Variants in ASCC3 observed in about 807,000 individuals in gnomAD.
ASCC3 encodes ASC-1 complex subunit P200.
Under a neutral mutation model 256.3 loss-of-function variants are expected in ASCC3, and 158 were observed. That is an observed-to-expected ratio of 0.62 (90% CI 0.54 to 0.70). The LOEUF (loss-of-function observed/expected upper bound fraction) is 0.70. ASCC3 is among the 30% of genes least tolerant of loss of function. The pLI is 0.00. For synonymous variants in ASCC3, 948 were observed against 883.4 expected (o/e 1.07, Z -1.30); for missense variants, 2,259 against 2,626.0 (o/e 0.86, Z 3.05).
At chr6:100,733,674 C>G (rs1168312999) in intron 10 of ASCC3, among the ~76,000 whole-genome samples, 2 of 152,160 alleles carry the variant, frequency 1.3e-5, no homozygotes, top group African/African-American at 2.4e-5. Context: ...ACAATACTTT[C>G]AGAATAAATG....
chr6:100,740,757 T>C (rs988653364), intron 10 of ASCC3, among the ~76,000 whole-genome samples: 5 of 152,330 alleles, frequency 3.3e-5, no homozygotes, highest in Admixed American at 1.3e-4. Flanking sequence ...TGTGTTCCAT[T>C]TGCTCCACTC....
At chr6:100,788,087 G>A (rs1340954257) in intron 8 of ASCC3, among the ~76,000 whole-genome samples, 1 of 151,860 alleles carries the variant, frequency 6.6e-6, no homozygotes, top group East Asian at 1.9e-4. Context: ...AAAACGGACT[G>A]TATTCAGACT....
At chr6:100,819,164 G>C (rs547896504) in intron 4 of ASCC3, among the ~76,000 whole-genome samples, 1 of 151,976 alleles carries the variant, frequency 6.6e-6, no homozygotes, top group South Asian at 2.1e-4. Flanking sequence ...GGAGCCTGTC[G>C]GGGGCTGGGG....
At chr6:100,876,950 T>A (rs1226704982) in intron 1 of ASCC3, among the ~76,000 whole-genome samples, 1 of 152,170 alleles carries the variant, frequency 6.6e-6, no homozygotes, top group African/African-American at 2.4e-5. Context: ...GGTAGCATAT[T>A]TCCTTTTGCA....
intron 13 of ASCC3, among the ~76,000 whole-genome samples, chr6:100,690,363 T>G (rs2114983141): frequency 6.6e-6 from 1 of 152,198 alleles, no homozygotes; most frequent in African/African-American, 2.4e-5. Flanking sequence ...AACCCATGAA[T>G]ATGGAGAGCC....
intron 10 of ASCC3, among the ~76,000 whole-genome samples, chr6:100,730,855 T>C (rs1031282696): frequency 2.0e-5 from 3 of 152,132 alleles, no homozygotes; most frequent in African/African-American, 7.2e-5. Context: ...CTCCCATCAA[T>C]TCACATGCAC....
intron 14 of ASCC3, among the ~76,000 whole-genome samples, chr6:100,667,278 G>A (rs943291481): frequency 2.0e-5 from 3 of 152,124 alleles, no homozygotes; most frequent in African/African-American, 7.2e-5. Flanking sequence ...ATGGGGAAAG[G>A]TAGGCAGCAG....
At chr6:100,675,429 C>A (rs1407625687) in intron 14 of ASCC3, among the ~76,000 whole-genome samples, 1 of 152,126 alleles carries the variant, frequency 6.6e-6, no homozygotes, top group African/African-American at 2.4e-5. Context: ...CTGGGCCATA[C>A]TGACACCGAA....
intron 13 of ASCC3, among the ~76,000 whole-genome samples, chr6:100,693,879 A>T (rs952705680): frequency 2.6e-5 from 4 of 152,280 alleles, no homozygotes; most frequent in African/African-American, 7.2e-5. Context: ...AAATAAATAA[A>T]CAAAAAGATT....
intron 30 of ASCC3, among the ~76,000 whole-genome samples, chr6:100,619,211 C>T (rs562490514): frequency 2.0e-5 from 3 of 152,298 alleles, no homozygotes; most frequent in Admixed American, 1.3e-4. Flanking sequence ...AAACTTTTGC[C>T]TTCTCTTCCC....
At chr6:100,647,817 A>T (rs1253401117) in intron 20 of ASCC3, among the ~76,000 whole-genome samples, 1 of 152,076 alleles carries the variant, frequency 6.6e-6, no homozygotes, top group African/African-American at 2.4e-5. Context: ...GAATAGTGGA[A>T]TGATTAAATT....
intron 3 of ASCC3, among the ~76,000 whole-genome samples, chr6:100,850,122 A>G (rs1394442432): frequency 6.8e-6 from 1 of 146,034 alleles, no homozygotes; most frequent in Non-Finnish European, 1.5e-5. Context: ...AAAAAAAAAG[A>G]AGGAAACATG....
chr6:100,631,224 G>C lies in ASCC3; in HGVS notation c.4123-11C>G, dbSNP rs752672673. On this transcript the variant is annotated splice_polypyrimidine_tract_variant and intron_variant, in intron 25 of 41. Coordinates refer to ENST00000369162, the MANE Select transcript of ASCC3 (RefSeq NM_006828.4). ...TGCAATATATACCGCCTAAAAAGGG[G>C]AGAATAGCCAAAAATACTCTTATGA... is the stretch of plus-strand genomic sequence containing the variant. 14 of 1,583,522 alleles carry C rather than the reference G, an allele frequency of 8.8e-6. No individual in the cohort carries two copies. The highest frequency in any genetic ancestry group is 1.1e-5 in the Non-Finnish European group (13 of 1,153,050).
chr6:100,824,422 T>G (rs1771197970), intron 4 of ASCC3, among the ~76,000 whole-genome samples: 1 of 152,114 alleles, frequency 6.6e-6, no homozygotes, highest in Admixed American at 6.6e-5. Context: ...ACCAACTACT[T>G]TCCACATAAA....
chr6:100,526,642 C>T (rs1371165499), intron 37 of ASCC3, among the ~76,000 whole-genome samples: 1 of 152,180 alleles, frequency 6.6e-6, no homozygotes, highest in Non-Finnish European at 1.5e-5. Flanking sequence ...GAGAATGGTG[C>T]TTTGTTTTAG....
chr6:100,875,353 T>C (rs1412607857), intron 1 of ASCC3, among the ~76,000 whole-genome samples: 3 of 152,170 alleles, frequency 2.0e-5, no homozygotes, highest in African/African-American at 7.2e-5. Flanking sequence ...GAATGATAAT[T>C]CTGTTTTGGA....
chr6:100,647,979 C>T (rs1470889351), intron 20 of ASCC3, among the ~76,000 whole-genome samples: 1 of 152,070 alleles, frequency 6.6e-6, no homozygotes, highest in Non-Finnish European at 1.5e-5. Context: ...AATGTGTTAA[C>T]TTGCTTTACA....
rs72939362 is a variant in ASCC3 at position 100,562,096 on chromosome 6, C to T, written c.5551-21709G>A. ...CTAACTTTCTGAAATAATCAAATTT[C>T]TGAGATAAGCTTATATTCCATTGGA... On this transcript the variant is annotated intron_variant, in intron 36 of 41. Transcript: ENST00000369162. Among the ~76,000 whole-genome samples the T allele has an allele frequency of 8.5e-3, 1,292 of 152,122 alleles. 20 individuals are homozygous for T. Among genetic ancestry groups the T allele is most frequent in the South Asian group, 0.042 (204 of 4,820 alleles).
At chr6:100,687,030 T>TCACACACACAGACA (rs1164501730) in intron 13 of ASCC3, among the ~76,000 whole-genome samples, 1 of 129,272 alleles carries the variant, frequency 7.7e-6, no homozygotes, top group Non-Finnish European at 1.6e-5. Context: ...TCTCTCTCTC[T>TCACACACACAGACA]CTCTCACACA....
Sources: gnomAD v4.1 joint callset for allele counts (sites outside exome capture counted in the v4.1 genomes callset) on GRCh38, gnomAD v4.1.1 for gene constraint, MANE v1.5 for transcripts, NCBI Gene and HGNC (gene_info 2026-07-23, HGNC 2026-07-21) for gene names.